VEGFC: variants seen among roughly 807,000 people sequenced by gnomAD.
VEGFC encodes the protein vascular endothelial growth factor C, also known as FLT4 ligand DHM.
VEGFC carries 12 observed loss-of-function variants against 46.1 expected under a neutral mutation model. The observed-to-expected ratio is 0.26, with a 90% CI of 0.17 to 0.42. The LOEUF is 0.42. Among genes scored for constraint, VEGFC ranks in the 10% least tolerant of loss-of-function variants. The pLI is 1.00. For synonymous variants in VEGFC, 232 were observed against 195.5 expected, an observed-to-expected ratio of 1.19 and a Z score of -1.56; for missense variants, 488 against 529.4, an observed-to-expected ratio of 0.92 and a Z score of 0.77.
intron 3 of VEGFC, among the ~76,000 whole-genome samples, chr4:176,714,615 T>C (rs1734667992): frequency 6.6e-6 from 1 of 152,200 alleles, no homozygotes; most frequent in African/African-American, 2.4e-5. Flanking sequence ...ACAGCTATTG[T>C]AGAAGAGTTT....
intron 1 of VEGFC, among the ~76,000 whole-genome samples, chr4:176,733,645 G>C (rs1735004110): frequency 6.6e-6 from 1 of 151,818 alleles, no homozygotes; most frequent in Non-Finnish European, 1.5e-5. Context: ...ATATGTTTGG[G>C]AAGGGGAGAA....
At chr4:176,766,580 C>T in intron 1 of VEGFC, among the ~76,000 whole-genome samples, 1 of 56,834 alleles carries the variant, frequency 1.8e-5, no homozygotes, top group African/African-American at 4.4e-5. Context: ...GAATGACACT[C>T]TGTCTCAAAA....
chr4:176,709,256 A>G (rs918413755), intron 4 of VEGFC, among the ~76,000 whole-genome samples: 2 of 152,158 alleles, frequency 1.3e-5, no homozygotes, highest in African/African-American at 4.8e-5. Context: ...GCTGCTGCTG[A>G]CCTTCTAGAT....
At chr4:176,781,899 C>T (rs150000337) in intron 1 of VEGFC, among the ~76,000 whole-genome samples, 40 of 152,292 alleles carry the variant, frequency 2.6e-4, no homozygotes, top group African/African-American at 7.2e-4. Flanking sequence ...ATTAAGTAGT[C>T]GGCTTCCCAT....
intron 4 of VEGFC, among the ~76,000 whole-genome samples, chr4:176,694,675 T>C (rs369996100): frequency 0.18 from 25,372 of 137,544 alleles, 4,936 homozygotes; most frequent in African/African-American, 0.49. Flanking sequence ...ATGGAATATA[T>C]ATTTTTTTCA....
chr4:176,699,472 T>C (rs1278177378), intron 4 of VEGFC, among the ~76,000 whole-genome samples: 2 of 152,250 alleles, frequency 1.3e-5, no homozygotes, highest in African/African-American at 4.8e-5. Context: ...AAACTTGTAA[T>C]TGTATTATGA....
intron 4 of VEGFC, among the ~76,000 whole-genome samples, chr4:176,700,829 C>A (rs1734416811): frequency 6.6e-6 from 1 of 152,074 alleles, no homozygotes; most frequent in African/African-American, 2.4e-5. Flanking sequence ...ATTACCTTGT[C>A]ACAGCCATAC....
At chr4:176,738,097 G>A (rs549438445) in intron 1 of VEGFC, among the ~76,000 whole-genome samples, 398 of 152,108 alleles carry the variant, frequency 2.6e-3, no homozygotes, top group Admixed American at 4.4e-3. Context: ...TGGATAGGAA[G>A]AATCAATATC....
intron 1 of VEGFC, among the ~76,000 whole-genome samples, chr4:176,779,328 A>C (rs1253091530): frequency 6.6e-6 from 1 of 152,206 alleles, no homozygotes; most frequent in Non-Finnish European, 1.5e-5. Flanking sequence ...ACAATGAATA[A>C]TTCCTCACTG....
chr4:176,792,315 G>A lies in VEGFC; in HGVS notation c.-4C>T. 6.7e-7 allele frequency: 1 copy of A among 1,500,874 alleles called. No homozygotes were observed. Among genetic ancestry groups the A allele is most frequent in the Non-Finnish European group, 8.9e-7 (1 of 1,126,376 alleles). 93.0% of individuals were successfully genotyped at this position (1,500,874 alleles called of 1,614,324 possible). ...AGAAGAAGCCCAGCAAGTGCATGGT[G>A]GAAGGACCGGGGGTGGGGGACCGGT... is the stretch of plus-strand genomic sequence containing the variant. On this transcript the variant is annotated 5_prime_UTR_variant, in exon 1 of 7. Coordinates refer to ENST00000618562, the MANE Select transcript of VEGFC (RefSeq NM_005429.5). This position sits in a 1 kb window ranked among gnomAD's most constrained non-coding sequence, Gnocchi z 6.3.
intron 4 of VEGFC, among the ~76,000 whole-genome samples, chr4:176,691,888 C>T (rs575378566): frequency 6.6e-6 from 1 of 152,130 alleles, no homozygotes; most frequent in East Asian, 1.9e-4. Context: ...TCTGAGGTAC[C>T]GGGTTCATCT....
intron 1 of VEGFC, among the ~76,000 whole-genome samples, chr4:176,790,420 T>G (rs932164318): frequency 6.6e-6 from 1 of 152,114 alleles, no homozygotes; most frequent in Non-Finnish European, 1.5e-5. Flanking sequence ...ATGGTAAAAT[T>G]TGCCATATCA....
chr4:176,757,603 C>CA (rs11315898), intron 1 of VEGFC, among the ~76,000 whole-genome samples: 19 of 148,632 alleles, frequency 1.3e-4, no homozygotes, highest in African/African-American at 4.4e-4. Flanking sequence ...AGAACATCAG[C>CA]AAAAAAAAAA....
rs561607240 is a variant in VEGFC at position 176,761,966 on chromosome 4, C to T, written c.147+30199G>A. Among the ~76,000 whole-genome samples, 32 of 152,132 alleles carry T rather than the reference C, an allele frequency of 2.1e-4. 1 individual carries two copies. Among genetic ancestry groups the T allele is most frequent in the Admixed American group, 1.4e-3 (21 of 15,268 alleles). On this transcript the variant is annotated intron_variant, in intron 1 of 6. Coordinates refer to ENST00000618562, the MANE Select transcript of VEGFC (RefSeq NM_005429.5). ...TAAGAGTAAGCTCAGATGTCTCTGA[C>T]GTATCAGTTTTCTTTAGAATGCATT...
chr4:176,717,604 T>C (rs1396536736), intron 3 of VEGFC, among the ~76,000 whole-genome samples: 1 of 152,142 alleles, frequency 6.6e-6, no homozygotes, highest in African/African-American at 2.4e-5. Flanking sequence ...TAAGTAATGT[T>C]TGTGTGGATA....
Position 176,687,820 on chromosome 4 carries a change from C to T in VEGFC, c.811+1G>A. ...AGTCTTTAAAGCATCATTCTGCTTACCATCTCCAGCATCCGAGGAAAACAT... is the reference window on the plus strand; with the variant it reads ...AGTCTTTAAAGCATCATTCTGCTTATCATCTCCAGCATCCGAGGAAAACAT... On this transcript the variant is annotated splice_donor_variant, in intron 5 of 6. Transcript: ENST00000618562. LOFTEE classifies it high-confidence loss of function. 6.2e-7 allele frequency: 1 copy of T among 1,601,550 alleles called. No homozygotes were observed. Among genetic ancestry groups the T allele is most frequent in the Non-Finnish European group, 8.5e-7 (1 of 1,171,282 alleles).
Position 176,787,809 on chromosome 4 carries a change from T to A in VEGFC, c.147+4356A>T, listed in dbSNP as rs565668680. 3.3e-5 allele frequency among the ~76,000 whole-genome samples: 5 copies of A among 152,326 alleles called. No individual in the cohort carries two copies. The South Asian group carries it at 1.0e-3, about 32-fold the overall frequency. On this transcript the variant is annotated intron_variant, in intron 1 of 6. Transcript: ENST00000618562. ...CCTAAAATATTTATAGTAAATTTTA[T>A]AATTACACTATAACTCAAACTCATC...
At chr4:176,703,394 G>A (rs1191966617) in intron 4 of VEGFC, among the ~76,000 whole-genome samples, 2 of 152,036 alleles carry the variant, frequency 1.3e-5, no homozygotes, top group Non-Finnish European at 2.9e-5. Flanking sequence ...CATATCTCAT[G>A]TTCTCACTCA....
intron 1 of VEGFC, among the ~76,000 whole-genome samples, chr4:176,740,508 T>C (rs1018507884): frequency 1.5e-4 from 8 of 52,740 alleles, no homozygotes; most frequent in Admixed American, 1.5e-3. Flanking sequence ...AACTATATAT[T>C]CTATATATAG....
Sources: allele counts gnomAD v4.1 joint callset (sites outside exome capture counted in the v4.1 genomes callset), GRCh38; gene constraint gnomAD v4.1.1; non-coding constraint Gnocchi (gnomAD v3.1); transcripts MANE v1.5; gene names NCBI Gene and HGNC (gene_info 2026-07-23, HGNC 2026-07-21).